The following VPS45 variants were observed in gnomAD, a reference collection of about 807,000 sequenced individuals.
The protein encoded by VPS45 is vacuolar protein sorting-associated protein 45.
Under a neutral mutation model 75.9 loss-of-function variants are expected in VPS45, and 35 were observed. The ratio of observed to expected loss-of-function variants is 0.46; its 90% CI spans 0.35 to 0.61. VPS45 has a LOEUF of 0.61. Ranked by LOEUF, VPS45 falls within the 20% of genes least tolerant of loss-of-function variation. VPS45 has a pLI of 0.00. For missense variants in VPS45, 559 were observed against 685.9 expected, an observed-to-expected ratio of 0.81 and a Z score of 2.07; for synonymous variants, 220 against 238.2, an observed-to-expected ratio of 0.92 and a Z score of 0.70.
chr1:150,144,806 T>C lies in VPS45; in HGVS notation c.*10T>C, dbSNP rs1659584852. On this transcript the variant is annotated 3_prime_UTR_variant, in exon 15 of 15. Coordinates refer to ENST00000644510, the MANE Select transcript of VPS45 (RefSeq NM_007259.5). ...AGCGAGCAGAAGATGAAACGGTGGT[T>C]GGGGGAAGGGCACAGCTTCCTCTCT... is the stretch of plus-strand genomic sequence containing the variant. The C allele has an allele frequency of 6.2e-7, 1 of 1,613,864 alleles. No individual in the cohort carries two copies. Among genetic ancestry groups the C allele is most frequent in the South Asian group, 1.1e-5 (1 of 91,054 alleles).
At chr1:150,107,346 T>A (rs781908183) in intron 13 of VPS45, among the ~76,000 whole-genome samples, 2 of 152,152 alleles carry the variant, frequency 1.3e-5, no homozygotes, top group Non-Finnish European at 2.9e-5. Context: ...CTACACCTAG[T>A]TACCAAAACC....
chr1:150,136,281 C>T (rs1438163049), intron 14 of VPS45, among the ~76,000 whole-genome samples: 9 of 141,628 alleles, frequency 6.4e-5, no homozygotes, highest in African/African-American at 1.6e-4. Context: ...AGGCCGGGTG[C>T]GGTGGTTCAC....
intron 14 of VPS45, among the ~76,000 whole-genome samples, chr1:150,135,531 G>A (rs1377665642): frequency 6.6e-6 from 1 of 152,106 alleles, no homozygotes; most frequent in East Asian, 1.9e-4. Flanking sequence ...CTCCCAAAGT[G>A]CTGGGATAAC....
intron 10 of VPS45, chr1:150,083,127 AC>A (rs200640965): frequency 0.024 from 8,105 of 337,086 alleles, 142 homozygotes; most frequent in Non-Finnish European, 0.033. Context: ...TAGAAAGAGC[AC>A]CAAACTAGAA....
chr1:150,087,728 C>G (rs1171286639), intron 10 of VPS45, among the ~76,000 whole-genome samples: 3 of 152,178 alleles, frequency 2.0e-5, no homozygotes, highest in Non-Finnish European at 4.4e-5. Context: ...CTTGTACCTA[C>G]AGGTTTCTTT....
chr1:150,095,972 A>C (rs72694908), intron 13 of VPS45, among the ~76,000 whole-genome samples: 23,759 of 152,130 alleles, frequency 0.16, 2,030 homozygotes, highest in African/African-American at 0.19. Context: ...GAGGAGATGA[A>C]TGCAGTAGTC....
chr1:150,129,686 A>T (rs1222088739), intron 14 of VPS45, among the ~76,000 whole-genome samples: 2 of 151,636 alleles, frequency 1.3e-5, no homozygotes, highest in Non-Finnish European at 2.9e-5. Context: ...CAGCCTCCCG[A>T]GTAGCTGGGA....
At chr1:150,089,582 G>A (rs1052904567) in intron 10 of VPS45, among the ~76,000 whole-genome samples, 3 of 151,962 alleles carry the variant, frequency 2.0e-5, no homozygotes, top group Non-Finnish European at 2.9e-5. Flanking sequence ...GGCTGGTCTC[G>A]AACTCCTGAC....
At chr1:150,133,630 T>A (rs1658936672) in intron 14 of VPS45, among the ~76,000 whole-genome samples, 1 of 152,212 alleles carries the variant, frequency 6.6e-6, no homozygotes, top group Non-Finnish European at 1.5e-5. Context: ...GCTTCGTTTC[T>A]TGCATTTTTT....
At chr1:150,073,703 CT>C (rs782493440) in intron 3 of VPS45, among the ~76,000 whole-genome samples, 15 of 151,970 alleles carry the variant, frequency 9.9e-5, no homozygotes, top group Non-Finnish European at 1.9e-4. Flanking sequence ...CAGCTTCCCC[CT>C]GTGTAGTATC....
chr1:150,107,180 C>T (rs1657375275), intron 13 of VPS45, among the ~76,000 whole-genome samples: 1 of 152,186 alleles, frequency 6.6e-6, no homozygotes, highest in Admixed American at 6.5e-5. Context: ...CTCATCTATT[C>T]CCATGGCTTC....
Position 150,071,683 on chromosome 1 carries a change from G to A in VPS45, c.229-483G>A, listed in dbSNP as rs61657547. ...CAAACCTGTAATCTCAGCTACTTGG[G>A]AGGCTGAGACAGGAGAATTGCTTGA... On this transcript the variant is annotated intron_variant, in intron 2 of 14. Coordinates refer to ENST00000644510, the MANE Select transcript of VPS45 (RefSeq NM_007259.5). 9.0e-3 allele frequency among the ~76,000 whole-genome samples: 1,369 copies of A among 151,992 alleles called. 18 individuals carry two copies. Among genetic ancestry groups the A allele is most frequent in the African/African-American group, 0.032 (1,322 of 41,430 alleles).
intron 10 of VPS45, among the ~76,000 whole-genome samples, chr1:150,085,858 A>G (rs1275592893): frequency 6.6e-6 from 1 of 152,154 alleles, no homozygotes; most frequent in East Asian, 1.9e-4. Context: ...GAAATTTACT[A>G]CCACTGAAAC....
At chr1:150,108,945 C>G (rs782632176) in intron 13 of VPS45, among the ~76,000 whole-genome samples, 24 of 152,090 alleles carry the variant, frequency 1.6e-4, no homozygotes, top group Non-Finnish European at 3.2e-4. Context: ...GTTTGGGGAC[C>G]CTTATCGTAA....
chr1:150,143,923 C>T (rs889227680), intron 14 of VPS45, among the ~76,000 whole-genome samples: 6 of 151,972 alleles, frequency 3.9e-5, no homozygotes, highest in Non-Finnish European at 7.4e-5. Flanking sequence ...TTGACAGGGC[C>T]GCATGCATAT....
At chr1:150,111,064 T>C (rs1405681510) in intron 14 of VPS45, among the ~76,000 whole-genome samples, 1 of 152,256 alleles carries the variant, frequency 6.6e-6, no homozygotes, top group African/African-American at 2.4e-5. Context: ...TGATTAACTT[T>C]ATTCACTTAG....
At chr1:150,141,197 A>G (rs1659375415) in intron 14 of VPS45, among the ~76,000 whole-genome samples, 1 of 152,224 alleles carries the variant, frequency 6.6e-6, no homozygotes, top group Non-Finnish European at 1.5e-5. Flanking sequence ...TAAGACAAAT[A>G]TCTTGGGGTT....
chr1:150,121,370 C>G (rs1180941795), intron 14 of VPS45, among the ~76,000 whole-genome samples: 15 of 152,032 alleles, frequency 9.9e-5, no homozygotes, highest in African/African-American at 3.6e-4. Context: ...AGGCAAAGAA[C>G]CTGCCCTGAA....
At chr1:150,067,997 TAC>T (rs1553796220) in intron 1 of VPS45, 47 bp downstream of exon 1, 1 of 1,548,890 alleles carries the variant, frequency 6.5e-7, no homozygotes, top group Admixed American at 1.7e-5. Flanking sequence ...CTCTCAACCT[TAC>T]AATTGCTCGT....
Sources: gnomAD v4.1 joint callset for allele counts (sites outside exome capture counted in the v4.1 genomes callset) on GRCh38, gnomAD v4.1.1 for gene constraint, MANE v1.5 for transcripts, NCBI Gene and HGNC (gene_info 2026-07-23, HGNC 2026-07-21) for gene names.